The following FAM186B variants were observed in gnomAD, a reference collection of about 807,000 sequenced individuals.
The protein encoded by FAM186B is protein FAM186B.
Under a neutral mutation model 83.4 loss-of-function variants are expected in FAM186B, and 68 were observed. The ratio of observed to expected loss-of-function variants is 0.81; its 90% CI spans 0.67 to 1.00. The LOEUF is 1.00. Among genes scored for constraint, FAM186B ranks in the 50% least tolerant of loss-of-function variants. The pLI is 0.00. For synonymous variants in FAM186B, 389 were observed against 422.0 expected, an observed-to-expected ratio of 0.92 and a Z score of 0.96; for missense variants, 983 against 1,099.2, an observed-to-expected ratio of 0.89 and a Z score of 1.49.
intron 3 of FAM186B, among the ~76,000 whole-genome samples, chr12:49,602,347 T>C (rs1372121659): frequency 6.6e-6 from 1 of 152,224 alleles, no homozygotes; most frequent in African/African-American, 2.4e-5. Flanking sequence ...GCCTTCTCCC[T>C]CCTGCTGACC....
the FAM186B span, among the ~76,000 whole-genome samples, chr12:49,616,197 T>C: frequency 1.3e-5 from 2 of 152,160 alleles, no homozygotes; most frequent in Non-Finnish European, 2.9e-5. Flanking sequence ...GCTCGGCTAA[T>C]TTTTGTATTT....
At chr12:49,602,649 A>G (rs1939919470) in intron 3 of FAM186B, among the ~76,000 whole-genome samples, 1 of 152,272 alleles carries the variant, frequency 6.6e-6, no homozygotes, top group South Asian at 2.1e-4. Flanking sequence ...GTGTGGGGCC[A>G]CAGCCTTTCC....
chr12:49,602,393 A>G (rs2138302788), intron 3 of FAM186B, among the ~76,000 whole-genome samples: 1 of 152,308 alleles, frequency 6.6e-6, no homozygotes, highest in East Asian at 1.9e-4. Context: ...CATGAGGAAC[A>G]ATGGTAAATG....
intron 6 of FAM186B, 96 bp downstream of exon 6, chr12:49,588,358 G>A: frequency 7.0e-7 from 1 of 1,425,198 alleles, no homozygotes; most frequent in Non-Finnish European, 9.5e-7. Flanking sequence ...GCCTGTTGGT[G>A]CCCTCACTTC....
Position 49,599,605 on chromosome 12 carries a change from C to T in FAM186B, c.2035G>A (p.Glu679Lys). 3 of 1,612,244 alleles carry T rather than the reference C, an allele frequency of 1.9e-6. No homozygotes were observed. Among genetic ancestry groups the T allele is most frequent in the Non-Finnish European group, 2.5e-6 (3 of 1,179,046 alleles). The change falls in exon 4 of 7, where the codon GAG (glutamate) becomes AAG (lysine). Residue 679 changes from glutamate (E) to lysine (K), a missense_variant. Glu to Lys is a moderately conservative substitution (Grantham distance 56). Transcript: ENST00000257894. ...TAGTGGGGCAGCCTCAACTCAGACT[C>T]CTCACTCAGGAGCTGCAGGTTCTTC... ...QRKNLQLLSEESELRLPHYLR... is the reference protein window; with the variant it reads ...QRKNLQLLSEKSELRLPHYLR...
At position 49,603,319 on chromosome 12, in the gene FAM186B, G is replaced by C; in HGVS notation, c.371C>G (p.Ala124Gly). Residue 124 changes from alanine (A) to glycine (G), a missense_variant, in exon 3 of 7, where the codon GCA (alanine) becomes GGA (glycine). By Grantham distance (60) the Ala-to-Gly change is moderately conservative (BLOSUM62 0). Coordinates refer to ENST00000257894, the MANE Select transcript of FAM186B (RefSeq NM_032130.3). ...TTCAATCCATTCGTCCAGAGCTGCTGCTTCCTCTTCACTCTTCCTGGGCCC... is the reference window on the plus strand; with the variant it reads ...TTCAATCCATTCGTCCAGAGCTGCTCCTTCCTCTTCACTCTTCCTGGGCCC... Reference protein sequence around the residue: ...EIGPRKSEEEAAALDEWIEVT... With the variant: ...EIGPRKSEEEGAALDEWIEVT... The C allele has an allele frequency of 6.2e-7, 1 of 1,614,228 alleles. No homozygotes were observed. Among genetic ancestry groups the C allele is most frequent in the African/African-American group, 1.3e-5 (1 of 75,048 alleles).
intron 5 of FAM186B, among the ~76,000 whole-genome samples, chr12:49,598,232 A>AG (rs1197299581): frequency 6.6e-6 from 1 of 152,190 alleles, no homozygotes; most frequent in Admixed American, 6.5e-5. Flanking sequence ...AAGTGAGTGG[A>AG]GGAGGGACTC....
intron 5 of FAM186B, among the ~76,000 whole-genome samples, chr12:49,597,350 G>A (rs1263212469): frequency 1.3e-5 from 2 of 151,612 alleles, no homozygotes; most frequent in African/African-American, 4.9e-5. Flanking sequence ...AGTGAAATAT[G>A]CCATGCATAG....
At chr12:49,619,316 A>C in the FAM186B span, 1 of 332,152 alleles carries the variant, frequency 3.0e-6, no homozygotes, top group Non-Finnish European at 5.4e-6. Flanking sequence ...CTCTAGGGAG[A>C]TTATTCAAGC....
chr12:49,584,224 C>CAA, downstream of FAM186B: 1 of 418,046 alleles, frequency 2.4e-6, no homozygotes, highest in Non-Finnish European at 4.4e-6. Flanking sequence ...AGACAACACT[C>CAA]AGAGGGTTCT....
chr12:49,583,433 C>T (rs1191406698), downstream of FAM186B: 1 of 210,348 alleles, frequency 4.8e-6, no homozygotes, highest in African/African-American at 2.3e-5. Flanking sequence ...TGTTAAGTAT[C>T]ATTGGGGTGA....
intron 3 of FAM186B, among the ~76,000 whole-genome samples, chr12:49,602,339 C>G (rs1939913577): frequency 6.6e-6 from 1 of 152,206 alleles, no homozygotes; most frequent in African/African-American, 2.4e-5. Flanking sequence ...TTTTCCCTGC[C>G]TTCTCCCTCC....
At chr12:49,608,904 A>G (rs111407853), upstream of FAM186B, among the ~76,000 whole-genome samples, 2 of 152,148 alleles carry the variant, frequency 1.3e-5, no homozygotes, top group East Asian at 3.9e-4. Context: ...AAGGAAAGAC[A>G]CTGGGAAAAG....
intron 5 of FAM186B, chr12:49,595,177 G>C (rs920756453): frequency 2.1e-6 from 1 of 485,040 alleles, no homozygotes; most frequent in South Asian, 2.1e-5. Context: ...AAATGGAGAC[G>C]GTCATCCTGT....
At chr12:49,592,054 A>G (rs533749452) in intron 5 of FAM186B, among the ~76,000 whole-genome samples, 12 of 152,228 alleles carry the variant, frequency 7.9e-5, no homozygotes, top group Non-Finnish European at 1.5e-4. Flanking sequence ...TATAAGTTAC[A>G]TAGAGACAAA....
downstream of FAM186B, chr12:49,584,311 T>C (rs1939395111): frequency 7.0e-6 from 4 of 571,098 alleles, no homozygotes; most frequent in Non-Finnish European, 9.3e-6. Context: ...TTTATTAAAA[T>C]GTAGAGTTTG....
Position 49,600,926 on chromosome 12 carries a change from A to G in FAM186B, c.714T>C (p.Thr238=), listed in dbSNP as rs1215639750. Residue 238 remains threonine (T), a synonymous_variant, in exon 4 of 7, where the codon ACT becomes ACC. Coordinates refer to ENST00000257894, the MANE Select transcript of FAM186B (RefSeq NM_032130.3). The surrounding 1 kb of genome is among the most constrained non-coding windows in gnomAD (Gnocchi z 4.3). The part of the protein sequence containing the change: ...GEVRAIRYMA[T]VVENLNKALI... ...AGGCCTTGTTGAGGTTCTCCACCAC[A>G]GTGGCCATGTACCTGATGGCCCTGA... The G allele has an allele frequency of 6.2e-7, 1 of 1,614,032 alleles. No individual in the cohort carries two copies. Among genetic ancestry groups the G allele is most frequent in the East Asian group, 2.2e-5 (1 of 44,894 alleles).
In FAM186B at chr12:49,605,460, G is replaced by A. The variant is rs1290126529; in HGVS notation, c.18C>T (p.Pro6=). 1 of 1,613,648 alleles carries A rather than the reference G, an allele frequency of 6.2e-7. No homozygotes were observed. Among genetic ancestry groups the A allele is most frequent in the Admixed American group, 1.7e-5 (1 of 59,958 alleles). Residue 6 remains proline (P), a synonymous_variant, in exon 1 of 7, where the codon CCC becomes CCT. Coordinates refer to ENST00000257894, the MANE Select transcript of FAM186B (RefSeq NM_032130.3). ...CTGATGTGGGAGTCACCAACTGTGG[G>A]GGGTCATCCTTCTCCATTTTGGATC... The part of the protein sequence containing the change: MEKDD[P]PQLVTPTSVK...
chr12:49,619,626 A>G, the FAM186B span: 6 of 473,806 alleles, frequency 1.3e-5, no homozygotes, highest in Non-Finnish European at 2.4e-5. Context: ...AAGAAATGCT[A>G]TCTTGGTTTT....
Sources: allele counts gnomAD v4.1 joint callset (sites outside exome capture counted in the v4.1 genomes callset), GRCh38; gene constraint gnomAD v4.1.1; non-coding constraint Gnocchi (gnomAD v3.1); transcripts MANE v1.5; gene names NCBI Gene and HGNC (gene_info 2026-07-23, HGNC 2026-07-21).